Variants in PHC2 observed in about 807,000 individuals in gnomAD.
The protein encoded by PHC2 is polyhomeotic homolog 2.
A neutral mutation model predicts 87.4 loss-of-function variants in PHC2; 29 were observed. The observed-to-expected ratio is 0.33, with a 90% CI of 0.25 to 0.45. The LOEUF (loss-of-function observed/expected upper bound fraction) is 0.45, where lower values mean the gene tolerates loss of function less well. PHC2 is among the 20% of genes least tolerant of loss of function. PHC2 has a pLI of 1.00. For missense variants in PHC2, 857 were observed against 1,136.7 expected (o/e 0.75, Z 3.54); for synonymous variants, 438 against 461.7 (o/e 0.95, Z 0.66).
intron 1 of PHC2, among the ~76,000 whole-genome samples, chr1:33,405,198 T>G (rs200001055): frequency 6.6e-6 from 1 of 150,586 alleles, no homozygotes; most frequent in Non-Finnish European, 1.5e-5. Context: ...TTTTTTTTTT[T>G]CTTTTTTGGA....
chr1:33,421,954 C>G (rs1186480032), intron 1 of PHC2, among the ~76,000 whole-genome samples: 21 of 152,152 alleles, frequency 1.4e-4, no homozygotes, highest in Admixed American at 1.4e-3. Flanking sequence ...ATGGCCTCCA[C>G]CATAAAGTCC....
chr1:33,345,169 C>T (rs1179065654), intron 9 of PHC2: 1 of 152,198 alleles, frequency 6.6e-6, no homozygotes, highest in African/African-American at 2.4e-5. Flanking sequence ...GCCTGGTCCT[C>T]CTAATCTACT....
intron 1 of PHC2, among the ~76,000 whole-genome samples, chr1:33,396,106 A>C (rs1362284951): frequency 6.6e-6 from 1 of 152,226 alleles, no homozygotes. Context: ...CAACCTCAGT[A>C]GGTGTGACAG....
At chr1:33,414,177 TCACACA>T (rs201845759) in intron 1 of PHC2, among the ~76,000 whole-genome samples, 1,485 of 142,828 alleles carry the variant, frequency 0.01, 20 homozygotes, top group African/African-American at 0.033. Flanking sequence ...TCTCTCTCTG[TCACACA>T]CACACACACA....
intron 1 of PHC2, among the ~76,000 whole-genome samples, chr1:33,388,677 A>G (rs555423337): frequency 6.6e-6 from 1 of 152,286 alleles, no homozygotes; most frequent in South Asian, 2.1e-4. Flanking sequence ...CAAGCACCTA[A>G]AAAATACGTA....
At chr1:33,388,639 G>A (rs1167067629) in intron 1 of PHC2, among the ~76,000 whole-genome samples, 1 of 152,036 alleles carries the variant, frequency 6.6e-6, no homozygotes, top group Non-Finnish European at 1.5e-5. Flanking sequence ...ATTATGAAGA[G>A]TTATTGGGAA....
intron 1 of PHC2, among the ~76,000 whole-genome samples, chr1:33,410,571 C>T (rs1557847307): frequency 6.6e-6 from 1 of 152,170 alleles, no homozygotes; most frequent in Non-Finnish European, 1.5e-5. Context: ...GGCTGCTATC[C>T]AGACACACTT....
At chr1:33,374,528 A>C (rs1275597009) in intron 2 of PHC2, among the ~76,000 whole-genome samples, 2 of 152,080 alleles carry the variant, frequency 1.3e-5, no homozygotes, top group Non-Finnish European at 2.9e-5. Context: ...AGGCCCTCTT[A>C]CTGTCTGTTG....
At chr1:33,326,577 G>C (rs898935601) in intron 14 of PHC2, among the ~76,000 whole-genome samples, 5 of 152,172 alleles carry the variant, frequency 3.3e-5, no homozygotes, top group African/African-American at 1.2e-4. Context: ...TCTGGGTGTG[G>C]TTTTTGTCTA....
chr1:33,408,383 T>A (rs1293408591), intron 1 of PHC2, among the ~76,000 whole-genome samples: 14 of 152,238 alleles, frequency 9.2e-5, no homozygotes, highest in African/African-American at 3.4e-4. Flanking sequence ...CATGGATGTA[T>A]GTTCTTTCTC....
intron 7 of PHC2, among the ~76,000 whole-genome samples, chr1:33,360,244 G>C (rs1647170915): frequency 6.6e-6 from 1 of 152,234 alleles, no homozygotes; most frequent in African/African-American, 2.4e-5. Context: ...TATGCTTGAA[G>C]GTTCTTAGGC....
At position 33,368,596 on chromosome 1, in the gene PHC2, G is replaced by A. The variant is rs759921861; in HGVS notation, c.603C>T (p.Val201=). 6 of 1,551,018 alleles carry A rather than the reference G, an allele frequency of 3.9e-6. No individual in the cohort carries two copies. Among genetic ancestry groups the A allele is most frequent in the East Asian group, 2.4e-5 (1 of 40,920 alleles). The part of the protein sequence containing the change: ...QMLIFTPTAT[V]ATVQPELGTG... ...TGCCGAGCTCAGGCTGCACAGTAGC[G>A]ACGGTGGCCGTGGGCGTGAAGATGA... The change falls in exon 6 of 15, where the codon GTC becomes GTT. Residue 201 remains valine (V), a synonymous_variant. Transcript: ENST00000683057. The surrounding 1 kb of genome is among the most constrained non-coding windows in gnomAD (Gnocchi z 6.6).
In PHC2 at chr1:33,354,740, C is replaced by T. The variant is rs1342878020; in HGVS notation, c.1392+98G>A. 23 of 1,419,690 alleles carry T rather than the reference C, an allele frequency of 1.6e-5. No homozygotes were observed. The East Asian group carries it at 2.1e-4, about 13-fold the overall frequency. 87.9% of individuals were successfully genotyped at this position (1,419,690 alleles called of 1,614,324 possible). ...TGGAATCCCCAAAGATGACTTCACC[C>T]GTCAGCCTACCCAGAAGCACCTCTT... On this transcript the variant is annotated intron_variant, in intron 8 of 14. Transcript: ENST00000683057.
At chr1:33,400,169 T>C (rs1367846701) in intron 1 of PHC2, among the ~76,000 whole-genome samples, 1 of 152,226 alleles carries the variant, frequency 6.6e-6, no homozygotes, top group Admixed American at 6.5e-5. Context: ...GTGAGTAATA[T>C]ACTTCTTATA....
Position 33,331,235 on chromosome 1 carries a change from A to C in PHC2, c.2006+113T>G. The C allele has an allele frequency of 2.1e-6, 1 of 477,934 alleles. No individual in the cohort carries two copies. Among genetic ancestry groups the C allele is most frequent in the Non-Finnish European group, 3.7e-6 (1 of 270,664 alleles). 29.6% of individuals were successfully genotyped at this position (477,934 alleles called of 1,614,324 possible). On this transcript the variant is annotated intron_variant, in intron 12 of 14. Coordinates refer to ENST00000683057, the MANE Select transcript of PHC2 (RefSeq NM_001385109.1). The surrounding 1 kb of genome is among the most constrained non-coding windows in gnomAD (Gnocchi z 5.2). ...ATCCTGCTTCCAGGTGGGTCGAGGA[A>C]CTAGGAAACTGGAGAAGCCACCCCT...
intron 1 of PHC2, among the ~76,000 whole-genome samples, chr1:33,417,375 T>C (rs991003187): frequency 5.9e-5 from 9 of 152,124 alleles, no homozygotes; most frequent in African/African-American, 2.2e-4. Context: ...ACCAAAGATA[T>C]GCTTTCTACA....
intron 1 of PHC2, among the ~76,000 whole-genome samples, chr1:33,430,234 C>G (rs986950941): frequency 1.3e-5 from 2 of 152,218 alleles, no homozygotes; most frequent in Non-Finnish European, 2.9e-5. Flanking sequence ...TGTCCAGCAG[C>G]GACCTTTTCC....
At chr1:33,348,420 C>A (rs1394886793) in intron 9 of PHC2, among the ~76,000 whole-genome samples, 2 of 152,154 alleles carry the variant, frequency 1.3e-5, no homozygotes, top group Admixed American at 1.3e-4. Context: ...AAGAAAAATC[C>A]CAGGTGAATG....
chr1:33,378,708 G>C (rs1022088124), intron 1 of PHC2, among the ~76,000 whole-genome samples: 3 of 152,126 alleles, frequency 2.0e-5, no homozygotes, highest in African/African-American at 7.2e-5. Flanking sequence ...GCAATCAAGA[G>C]AGTAAGAGAG....
Sources: allele counts gnomAD v4.1 joint callset (sites outside exome capture counted in the v4.1 genomes callset), GRCh38; gene constraint gnomAD v4.1.1; non-coding constraint Gnocchi (gnomAD v3.1); transcripts MANE v1.5; gene names NCBI Gene and HGNC (gene_info 2026-07-23, HGNC 2026-07-21).